The following TNFSF8 variants were observed in gnomAD, a reference collection of about 807,000 sequenced individuals.
TNFSF8 encodes the protein TNF superfamily member 8, also known as tumor necrosis factor ligand superfamily member 8.
In TNFSF8, 4 loss-of-function variants were observed where a neutral mutation model predicts 22.0. The observed-to-expected ratio is 0.18, with a 90% confidence interval of 0.09 to 0.42. The LOEUF (loss-of-function observed/expected upper bound fraction) is 0.42. TNFSF8 is among the 10% of genes least tolerant of loss of function. TNFSF8 has a pLI of 1.00. For missense variants in TNFSF8, 233 were observed against 281.8 expected, an observed-to-expected ratio of 0.83 and a Z score of 1.24; for synonymous variants, 106 against 112.5, an observed-to-expected ratio of 0.94 and a Z score of 0.37.
chr9:114,902,250 A>G lies in TNFSF8; in HGVS notation c.*1681T>C. On this transcript the variant is annotated 3_prime_UTR_variant, in exon 4 of 4. Transcript: ENST00000223795. ...AGTCCTCCTCCCCACTTCCAGGGTCATCATTGTCTCTCAACAACTTTGTGG... is the reference window on the plus strand; with the variant it reads ...AGTCCTCCTCCCCACTTCCAGGGTCGTCATTGTCTCTCAACAACTTTGTGG... 1.0e-6 allele frequency: 1 copy of G among 985,430 alleles called. No homozygotes were observed. The highest frequency in any genetic ancestry group is 1.2e-6 in the Non-Finnish European group (1 of 829,928). 61.0% of individuals were successfully genotyped at this position (985,430 alleles called of 1,614,324 possible).
chr9:114,898,652 C>T (rs1250851344), downstream of TNFSF8, among the ~76,000 whole-genome samples: 8 of 152,058 alleles, frequency 5.3e-5, no homozygotes, highest in Admixed American at 1.3e-4. Flanking sequence ...TTGGTTTGTA[C>T]ATAATGGTGA....
intron 2 of TNFSF8, among the ~76,000 whole-genome samples, chr9:114,909,835 T>C (rs1437036972): frequency 2.0e-5 from 3 of 152,234 alleles, no homozygotes; most frequent in African/African-American, 4.8e-5. Flanking sequence ...ATCTAAGTTA[T>C]GAATAGTCTG....
At chr9:114,897,023 C>A (rs1827662279), downstream of TNFSF8, among the ~76,000 whole-genome samples, 1 of 152,182 alleles carries the variant, frequency 6.6e-6, no homozygotes, top group South Asian at 2.1e-4. Flanking sequence ...CTGCCTCAGC[C>A]TCCCGAGTAG....
intron 1 of TNFSF8, among the ~76,000 whole-genome samples, chr9:114,924,585 A>G (rs1391079877): frequency 6.6e-6 from 1 of 152,150 alleles, no homozygotes. Flanking sequence ...TGACACAGCA[A>G]TCTAGGTGCC....
At chr9:114,910,538 G>A (rs1238356473) in intron 2 of TNFSF8, among the ~76,000 whole-genome samples, 1 of 152,190 alleles carries the variant, frequency 6.6e-6, no homozygotes, top group Non-Finnish European at 1.5e-5. Context: ...AGGGTTAAAT[G>A]CAGGAAGAAG....
Position 114,902,641 on chromosome 9 carries a change from T to A in TNFSF8, c.*1290A>T, listed in dbSNP as rs929503912. 4.5e-5 allele frequency: 44 copies of A among 985,246 alleles called. No homozygotes were observed. Among genetic ancestry groups the A allele is most frequent in the Non-Finnish European group, 5.2e-5 (43 of 829,918 alleles). The allele number at this position is 985,246 out of a possible 1,614,324, so 61.0% of individuals were successfully genotyped here. A position where few individuals can be genotyped will look rare whatever the true frequency, so the allele number is the denominator to read the frequency against. The stretch of plus-strand genomic sequence containing the variant: ...ATATTCTGGCTCTGCTGAGATGAGA[T>A]GCAGTCAGGTGTTACTAGTGTCTTC... On this transcript the variant is annotated 3_prime_UTR_variant, in exon 4 of 4. Coordinates refer to ENST00000223795, the MANE Select transcript of TNFSF8 (RefSeq NM_001244.4).
intron 1 of TNFSF8, among the ~76,000 whole-genome samples, chr9:114,923,469 T>C (rs1022419162): frequency 1.0e-4 from 15 of 146,020 alleles, no homozygotes; most frequent in African/African-American, 3.6e-4. Context: ...ATAGATTACT[T>C]TTCTTTCTTT....
Position 114,916,647 on chromosome 9 carries a change from G to A in TNFSF8, c.238+1449C>T, listed in dbSNP as rs113426385. 4.2e-3 allele frequency among the ~76,000 whole-genome samples: 647 copies of A among 152,240 alleles called. 2 individuals carry two copies. Among genetic ancestry groups the A allele is most frequent in the Non-Finnish European group, 7.6e-3 (514 of 68,012 alleles). On this transcript the variant is annotated intron_variant, in intron 2 of 3. Coordinates refer to ENST00000223795, the MANE Select transcript of TNFSF8 (RefSeq NM_001244.4). ...CATTACATGTTTAACTGAAACATCT[G>A]TCTCCAAAGCCTGCAGTGACTCCTC...
At chr9:114,898,308 T>G (rs1827678304), downstream of TNFSF8, among the ~76,000 whole-genome samples, 1 of 152,188 alleles carries the variant, frequency 6.6e-6, no homozygotes. Flanking sequence ...GGCTCAATGA[T>G]GCCTATTTCG....
At chr9:114,913,661 A>T (rs544069620) in intron 2 of TNFSF8, among the ~76,000 whole-genome samples, 2 of 152,324 alleles carry the variant, frequency 1.3e-5, no homozygotes, top group African/African-American at 4.8e-5. Context: ...AGCTAAGCAC[A>T]AGGGCTGCAA....
intron 2 of TNFSF8, among the ~76,000 whole-genome samples, chr9:114,908,399 A>G (rs537567046): frequency 2.0e-5 from 3 of 152,300 alleles, no homozygotes; most frequent in East Asian, 3.9e-4. Flanking sequence ...AGGTCAGGCT[A>G]GATTAGATGG....
Position 114,915,257 on chromosome 9 carries a change from G to GT in TNFSF8, c.238+2838dup, listed in dbSNP as rs1303889269. Among the ~76,000 whole-genome samples the GT allele has an allele frequency of 5.9e-5, 9 of 151,918 alleles. 1 individual carries two copies. Among genetic ancestry groups the GT allele is most frequent in the East Asian group, 5.8e-4 (3 of 5,190 alleles). On this transcript the variant is annotated intron_variant, in intron 2 of 3. Coordinates refer to ENST00000223795, the MANE Select transcript of TNFSF8 (RefSeq NM_001244.4). ...CAGATTTCCTTGAGATTTTTGTTAG[G>GT]TTTTTTTTCTTCTATTTTTACATAT...
chr9:114,916,093 A>G (rs903896734), intron 2 of TNFSF8, among the ~76,000 whole-genome samples: 1 of 152,218 alleles, frequency 6.6e-6, no homozygotes, highest in Non-Finnish European at 1.5e-5. Context: ...TATTTTGCCT[A>G]TTGTGATGAT....
chr9:114,919,298 A>G (rs1414773328), intron 1 of TNFSF8, among the ~76,000 whole-genome samples: 3 of 152,108 alleles, frequency 2.0e-5, no homozygotes, highest in Non-Finnish European at 4.4e-5. Flanking sequence ...TTTATTCTGT[A>G]ATAAATATAT....
At chr9:114,910,576 A>G (rs1827840658) in intron 2 of TNFSF8, among the ~76,000 whole-genome samples, 1 of 152,180 alleles carries the variant, frequency 6.6e-6, no homozygotes, top group Admixed American at 6.5e-5. Context: ...CAGACACTGG[A>G]ACTGAAAACT....
At chr9:114,912,897 A>G (rs543417814) in intron 2 of TNFSF8, among the ~76,000 whole-genome samples, 10 of 152,308 alleles carry the variant, frequency 6.6e-5, no homozygotes, top group African/African-American at 2.4e-4. Flanking sequence ...AGGGGCAAGG[A>G]GGGTAGCTGC....
intron 2 of TNFSF8, among the ~76,000 whole-genome samples, chr9:114,911,334 T>C (rs1383087995): frequency 6.6e-6 from 1 of 152,236 alleles, no homozygotes; most frequent in Non-Finnish European, 1.5e-5. Context: ...GCATCTGCCA[T>C]GCCCTGGCTT....
In TNFSF8 at chr9:114,901,579, G is replaced by T. The variant is rs1827717551; in HGVS notation, c.*2352C>A. On this transcript the variant is annotated 3_prime_UTR_variant, in exon 4 of 4. Transcript: ENST00000223795. The stretch of plus-strand genomic sequence containing the variant: ...TGCATATACCTTTTCAAGAATGCAT[G>T]AGTTGGTTTAAGCAAGATTCATTTG... 2.0e-5 allele frequency: 20 copies of T among 985,188 alleles called. No individual in the cohort carries two copies. The South Asian group carries it at 8.5e-4, about 42-fold the overall frequency. The allele number at this position is 985,188 out of a possible 1,614,324, so 61.0% of individuals were successfully genotyped here. A position where few individuals can be genotyped will look rare whatever the true frequency, so the allele number is the denominator to read the frequency against.
downstream of TNFSF8, among the ~76,000 whole-genome samples, chr9:114,899,342 A>ATTTTTTTTTTTTTTTTTTT (rs137946179): frequency 7.0e-6 from 1 of 142,632 alleles, no homozygotes; most frequent in African/African-American, 2.7e-5. Flanking sequence ...ACAGTAAGTT[A>ATTTTTTTTTTTTTTTTTTT]TTATTTTTTT....
Sources: allele counts gnomAD v4.1 joint callset (sites outside exome capture counted in the v4.1 genomes callset), GRCh38; gene constraint gnomAD v4.1.1; transcripts MANE v1.5; gene names NCBI Gene and HGNC (gene_info 2026-07-23, HGNC 2026-07-21).